Variants in CPEB1 observed in about 807,000 individuals in gnomAD.
CPEB1 encodes the protein cytoplasmic polyadenylation element binding protein 1, also known as cytoplasmic polyadenylation element-binding protein 1.
In CPEB1, 7 loss-of-function variants were observed where a neutral mutation model predicts 65.8. The ratio of observed to expected loss-of-function variants is 0.11; its 90% CI spans 0.06 to 0.20. The LOEUF (loss-of-function observed/expected upper bound fraction) is 0.20. Ranked by LOEUF, CPEB1 falls within the 10% of genes least tolerant of loss-of-function variation. CPEB1 has a pLI of 1.00. For missense variants in CPEB1, 551 were observed against 712.2 expected (o/e 0.77, Z 2.58); for synonymous variants, 262 against 260.0 (o/e 1.01, Z -0.08).
intron 9 of CPEB1, 126 bp downstream of exon 9, chr15:82,552,351 CAAG>C (rs946994025): frequency 6.3e-6 from 5 of 794,646 alleles, no homozygotes; most frequent in Non-Finnish European, 9.1e-6. Context: ...TATTGTGGGA[CAAG>C]AAGAGCCTTC....
intron 3 of CPEB1, among the ~76,000 whole-genome samples, chr15:82,595,905 A>G (rs1477579757): frequency 2.0e-5 from 3 of 152,230 alleles, no homozygotes; most frequent in African/African-American, 4.8e-5. Context: ...TCTTGCTAAG[A>G]AAGTCAAACC....
intron 1 of CPEB1, among the ~76,000 whole-genome samples, chr15:82,639,121 A>G (rs936503229): frequency 2.6e-5 from 4 of 152,230 alleles, no homozygotes; most frequent in Non-Finnish European, 4.4e-5. Context: ...CTGCTGCCAC[A>G]GAGTAAAGGC....
At chr15:82,586,699 G>C (rs2041832532) in intron 3 of CPEB1, among the ~76,000 whole-genome samples, 1 of 152,160 alleles carries the variant, frequency 6.6e-6, no homozygotes, top group African/African-American at 2.4e-5. Flanking sequence ...AGAAGTTGTA[G>C]GTTCAGGCTG....
intron 3 of CPEB1, among the ~76,000 whole-genome samples, chr15:82,586,349 A>G (rs2041800531): frequency 6.6e-6 from 1 of 152,136 alleles, no homozygotes. Flanking sequence ...ATAAGCCAGT[A>G]CTTATTGTCC....
At chr15:82,552,401 C>A in intron 9 of CPEB1, 79 bp downstream of exon 9, 1 of 1,418,176 alleles carries the variant, frequency 7.1e-7, no homozygotes. Context: ...TGCAGCCTGC[C>A]TATCCACCTA....
chr15:82,551,530 C>A (rs941755432), intron 9 of CPEB1, among the ~76,000 whole-genome samples: 1 of 152,160 alleles, frequency 6.6e-6, no homozygotes, highest in African/African-American at 2.4e-5. Flanking sequence ...AGTTTCACTG[C>A]CCTAAAAATC....
At chr15:82,563,462 A>G (rs1332251956) in intron 4 of CPEB1, among the ~76,000 whole-genome samples, 1 of 137,650 alleles carries the variant, frequency 7.3e-6, no homozygotes. Context: ...CTCCCACTTC[A>G]GCCTCCAAAG....
At chr15:82,585,819 C>T (rs140532464) in intron 3 of CPEB1, among the ~76,000 whole-genome samples, 1 of 152,226 alleles carries the variant, frequency 6.6e-6, no homozygotes, top group Non-Finnish European at 1.5e-5. Flanking sequence ...CCTTTTGTAC[C>T]ATTTCCTATG....
intron 3 of CPEB1, among the ~76,000 whole-genome samples, chr15:82,582,343 T>A (rs2151104256): frequency 6.6e-6 from 1 of 152,232 alleles, no homozygotes; most frequent in Middle Eastern, 3.4e-3. Flanking sequence ...GCATGCAGGA[T>A]AAAAATCTCT....
intron 3 of CPEB1, among the ~76,000 whole-genome samples, chr15:82,578,848 TGA>T (rs1230723018): frequency 2.0e-5 from 3 of 152,210 alleles, no homozygotes; most frequent in Admixed American, 6.5e-5. Context: ...TTTTGTTTTT[TGA>T]GAGAGTCTCA....
intron 3 of CPEB1, among the ~76,000 whole-genome samples, chr15:82,622,998 C>A (rs1166873115): frequency 1.3e-5 from 2 of 152,184 alleles, no homozygotes; most frequent in Non-Finnish European, 2.9e-5. Context: ...TTGGTAAGCC[C>A]TGGCGGGAGG....
chr15:82,578,035 G>C (rs796351525), intron 3 of CPEB1, among the ~76,000 whole-genome samples: 5 of 152,304 alleles, frequency 3.3e-5, no homozygotes, highest in African/African-American at 1.2e-4. Flanking sequence ...AGCTAATCGG[G>C]AGGCTGAGGC....
intron 1 of CPEB1, among the ~76,000 whole-genome samples, chr15:82,637,423 C>T (rs2151369269): frequency 6.6e-6 from 1 of 152,282 alleles, no homozygotes; most frequent in Non-Finnish European, 1.5e-5. Flanking sequence ...AGCTCTCACA[C>T]CTTTGTAAAC....
chr15:82,629,792 T>C, intron 1 of CPEB1: 1 of 985,430 alleles, frequency 1.0e-6, no homozygotes, highest in Non-Finnish European at 1.2e-6. Flanking sequence ...TGTCATTTTG[T>C]TTGGCCTACT....
At chr15:82,555,185 T>A (rs1365109190) in intron 6 of CPEB1, among the ~76,000 whole-genome samples, 1 of 152,248 alleles carries the variant, frequency 6.6e-6, no homozygotes. Flanking sequence ...ATTTATTTTT[T>A]AAACCTTTTA....
chr15:82,646,644 C>T (rs770108518), intron 1 of CPEB1, among the ~76,000 whole-genome samples: 1 of 152,206 alleles, frequency 6.6e-6, no homozygotes, highest in African/African-American at 2.4e-5. Flanking sequence ...AGAGCCCAGG[C>T]GTCTGCCTGG....
intron 3 of CPEB1, among the ~76,000 whole-genome samples, chr15:82,618,345 CAT>C (rs767798640): frequency 5.3e-5 from 8 of 152,170 alleles, no homozygotes; most frequent in Non-Finnish European, 8.8e-5. Context: ...CATAAATACA[CAT>C]ATGTATATTC....
chr15:82,565,855 G>A (rs1000704959), intron 4 of CPEB1, among the ~76,000 whole-genome samples: 1 of 152,214 alleles, frequency 6.6e-6, no homozygotes, highest in Admixed American at 6.5e-5. Context: ...AAATGGGTAA[G>A]ACATTGTGCT....
Position 82,606,499 on chromosome 15 carries a change from C to A in CPEB1, c.271+20694G>T, listed in dbSNP as rs184241768. 2.3e-3 allele frequency among the ~76,000 whole-genome samples: 337 copies of A among 147,482 alleles called. 2 individuals carry two copies. Among genetic ancestry groups the A allele is most frequent in the African/African-American group, 8.1e-3 (321 of 39,844 alleles). On this transcript the variant is annotated intron_variant, in intron 3 of 12. Transcript: ENST00000684509. The stretch of plus-strand genomic sequence containing the variant: ...AAAAAAAAAAAAAGCTAGTTCTCAG[C>A]ACATGCGCTAAGAAAATAACTTAAA...
Sources: gnomAD v4.1 joint callset for allele counts (sites outside exome capture counted in the v4.1 genomes callset) on GRCh38, gnomAD v4.1.1 for gene constraint, MANE v1.5 for transcripts, NCBI Gene and HGNC (gene_info 2026-07-23, HGNC 2026-07-21) for gene names.